PTPRD: variants seen among roughly 807,000 people sequenced by gnomAD.
PTPRD encodes the protein receptor-type tyrosine-protein phosphatase delta.
PTPRD carries 34 observed loss-of-function variants against 214.5 expected under a neutral mutation model. The observed-to-expected ratio is 0.16, with a 90% CI of 0.12 to 0.21. The LOEUF is 0.21. PTPRD is among the 10% of genes least tolerant of loss of function. The pLI is 1.00. For synonymous variants in PTPRD, 1,128 were observed against 845.7 expected, an observed-to-expected ratio of 1.33 and a Z score of -5.79; for missense variants, 2,545 against 2,398.7, an observed-to-expected ratio of 1.06 and a Z score of -1.27.
chr9:10,094,526 T>C (rs188630078), intron 3 of PTPRD, among the ~76,000 whole-genome samples: 22 of 135,044 alleles, frequency 1.6e-4, no homozygotes, highest in African/African-American at 6.0e-4. Context: ...TATGGTTTTT[T>C]TTTTCTTTCT....
intron 8 of PTPRD, among the ~76,000 whole-genome samples, chr9:9,429,584 C>T (rs1327675570): frequency 2.6e-5 from 4 of 152,062 alleles, no homozygotes; most frequent in Non-Finnish European, 5.9e-5. Flanking sequence ...CAAAGCCTGG[C>T]AGAGAAAAAA....
At chr9:8,437,124 A>C in intron 34 of PTPRD, 4 of 1,007,982 alleles carry the variant, frequency 4.0e-6, no homozygotes, top group Non-Finnish European at 5.8e-6. Context: ...GACACTGAGA[A>C]AGGCCTAAAA....
chr9:8,647,422 C>T (rs530116949), intron 12 of PTPRD, among the ~76,000 whole-genome samples: 2 of 152,126 alleles, frequency 1.3e-5, no homozygotes, highest in East Asian at 3.9e-4. Context: ...TTATATCGTA[C>T]CATTATTTTG....
At chr9:9,806,922 C>G (rs1215285064) in intron 5 of PTPRD, among the ~76,000 whole-genome samples, 1 of 152,048 alleles carries the variant, frequency 6.6e-6, no homozygotes, top group Admixed American at 6.6e-5. Context: ...CAAGTGCTGG[C>G]AGGCCACTGA....
intron 3 of PTPRD, among the ~76,000 whole-genome samples, chr9:10,112,026 G>T (rs2098695636): frequency 6.6e-6 from 1 of 152,142 alleles, no homozygotes; most frequent in Non-Finnish European, 1.5e-5. Context: ...ATTGACTATG[G>T]TGGTTTAAAT....
chr9:8,756,348 G>C (rs956233191), intron 11 of PTPRD, among the ~76,000 whole-genome samples: 3 of 152,104 alleles, frequency 2.0e-5, no homozygotes, highest in African/African-American at 7.2e-5. Flanking sequence ...GTTCCACAAA[G>C]ACAAAGATTT....
intron 11 of PTPRD, among the ~76,000 whole-genome samples, chr9:8,758,167 G>C (rs1444614694): frequency 6.6e-6 from 1 of 152,188 alleles, no homozygotes; most frequent in Non-Finnish European, 1.5e-5. Context: ...ACAAGCTTCT[G>C]TCCATTATCA....
chr9:9,246,629 C>T (rs569332460), intron 9 of PTPRD, among the ~76,000 whole-genome samples: 35 of 152,104 alleles, frequency 2.3e-4, no homozygotes, highest in Admixed American at 5.9e-4. Context: ...ATAGAAATGC[C>T]TCTTATTAAG....
intron 11 of PTPRD, among the ~76,000 whole-genome samples, chr9:8,781,265 A>C (rs2095684966): frequency 6.6e-6 from 1 of 152,208 alleles, no homozygotes; most frequent in Admixed American, 6.5e-5. Flanking sequence ...CTTAAGAGTC[A>C]GGGGGCTGCT....
intron 35 of PTPRD, among the ~76,000 whole-genome samples, chr9:8,412,874 T>G (rs1047637498): frequency 6.6e-6 from 1 of 152,052 alleles, no homozygotes; most frequent in African/African-American, 2.4e-5. Context: ...CTGCATATGG[T>G]TCTCACTTTT....
At chr9:9,915,926 G>C (rs1211971881) in intron 5 of PTPRD, among the ~76,000 whole-genome samples, 1 of 151,956 alleles carries the variant, frequency 6.6e-6, no homozygotes. Flanking sequence ...TTATAGTCAA[G>C]TTGAAGAAAA....
At chr9:10,478,935 T>C (rs865844317) in intron 2 of PTPRD, among the ~76,000 whole-genome samples, 1 of 152,116 alleles carries the variant, frequency 6.6e-6, no homozygotes, top group African/African-American at 2.4e-5. Context: ...TATTTATGTC[T>C]CTCCATACAT....
intron 10 of PTPRD, among the ~76,000 whole-genome samples, chr9:9,032,711 T>A (rs935338823): frequency 1.3e-5 from 2 of 152,140 alleles, no homozygotes; most frequent in Non-Finnish European, 1.5e-5. Context: ...AAGGTTTGCA[T>A]CCCGGCTCTG....
intron 9 of PTPRD, among the ~76,000 whole-genome samples, chr9:9,185,853 C>A (rs1033534005): frequency 3.4e-5 from 5 of 147,402 alleles, no homozygotes; most frequent in African/African-American, 1.2e-4. Context: ...TTTTCATAGA[C>A]ATTTTAGATA....
intron 7 of PTPRD, among the ~76,000 whole-genome samples, chr9:9,601,537 T>C (rs552827470): frequency 6.2e-4 from 94 of 152,186 alleles, no homozygotes; most frequent in African/African-American, 2.1e-3. Context: ...CAATCTATTA[T>C]TTTTGGAAGA....
intron 3 of PTPRD, among the ~76,000 whole-genome samples, chr9:10,191,357 A>T (rs2099362868): frequency 1.3e-5 from 2 of 152,078 alleles, no homozygotes; most frequent in Non-Finnish European, 2.9e-5. Flanking sequence ...AATGACAGAC[A>T]TTGCTTTAAG....
chr9:9,235,958 G>C lies in PTPRD; in HGVS notation c.-202-52595C>G, dbSNP rs142169182. On this transcript the variant is annotated intron_variant, in intron 9 of 45. Transcript: ENST00000381196. Reference sequence around the variant, plus strand: ...CTGAGTCAATTCTAAACAATAAGGGGTTATATTTAAAAAGAGCAAAATTGG... The same window carrying C: ...CTGAGTCAATTCTAAACAATAAGGGCTTATATTTAAAAAGAGCAAAATTGG... 6.6e-5 allele frequency among the ~76,000 whole-genome samples: 10 copies of C among 152,170 alleles called. No homozygotes were observed. The East Asian group carries it at 1.9e-3, about 29-fold the overall frequency.
intron 2 of PTPRD, among the ~76,000 whole-genome samples, chr9:10,547,969 T>A (rs1277552263): frequency 6.6e-6 from 1 of 152,108 alleles, no homozygotes; most frequent in South Asian, 2.1e-4. Context: ...GCTAAAGACA[T>A]GTTTACAAAC....
chr9:9,848,788 C>T (rs1565742914), intron 5 of PTPRD, among the ~76,000 whole-genome samples: 1 of 152,064 alleles, frequency 6.6e-6, no homozygotes, highest in Non-Finnish European at 1.5e-5. Flanking sequence ...ATTACAGCCT[C>T]ATTTCCCTTT....
Sources: allele counts gnomAD v4.1 joint callset (sites outside exome capture counted in the v4.1 genomes callset), GRCh38; gene constraint gnomAD v4.1.1; transcripts MANE v1.5; gene names NCBI Gene and HGNC (gene_info 2026-07-23, HGNC 2026-07-21).